Variants in CSAD observed in about 807,000 individuals in gnomAD.
CSAD encodes the protein cysteine sulfinic acid decarboxylase.
In CSAD, 47 loss-of-function variants were observed where a neutral mutation model predicts 61.5. The ratio of observed to expected loss-of-function variants is 0.76; its 90% CI spans 0.60 to 0.97. CSAD has a LOEUF of 0.97. Ranked by LOEUF, CSAD falls within the 50% of genes least tolerant of loss-of-function variation. CSAD has a pLI of 0.00. For synonymous variants in CSAD, 245 were observed against 252.7 expected (o/e 0.97, Z 0.29); for missense variants, 611 against 643.6 (o/e 0.95, Z 0.55).
chr12:53,180,178 G>C, intron 1 of CSAD: 1 of 985,442 alleles, frequency 1.0e-6, no homozygotes, highest in African/African-American at 1.7e-5. Flanking sequence ...CACAAAGCAA[G>C]AGTGTGCGAA....
chr12:53,171,000 C>A (rs778039110), intron 8 of CSAD: 27 of 483,306 alleles, frequency 5.6e-5, no homozygotes, highest in Non-Finnish European at 8.6e-5. Context: ...GGATTACAGG[C>A]GTGAGTCACC....
In CSAD at chr12:53,172,329, G is replaced by T. The variant is rs754012721; in HGVS notation, c.344+17C>A. 1 of 1,608,352 alleles carries T rather than the reference G, an allele frequency of 6.2e-7. No homozygotes were observed. Among genetic ancestry groups the T allele is most frequent in the Admixed American group, 1.7e-5 (1 of 60,010 alleles). On this transcript the variant is annotated intron_variant, in intron 6 of 16. Coordinates refer to ENST00000444623, the MANE Select transcript of CSAD (RefSeq NM_001244705.2). ...TAAATCCTTTGTGGGATGGTAGAGG[G>T]GCCTTGGGATGCTCACTGGCTGGTG...
rs1393819137 is a variant in CSAD at position 53,157,766 on chromosome 12, T to G, written c.*745A>C. 1.3e-5 allele frequency: 2 copies of G among 152,158 alleles called. No homozygotes were observed. Among genetic ancestry groups the G allele is most frequent in the African/African-American group, 4.8e-5 (2 of 41,396 alleles). The allele number at this position is 152,158 out of a possible 1,614,324, so 9.4% of individuals were successfully genotyped here. On this transcript the variant is annotated 3_prime_UTR_variant, in exon 17 of 17. Coordinates refer to ENST00000444623, the MANE Select transcript of CSAD (RefSeq NM_001244705.2). ...TCAAAAGATATAAAGAAGTCTATGTTTTTTTTGTTTGTTTGTTTTTTTAAA... is the reference window on the plus strand; with the variant it reads ...TCAAAAGATATAAAGAAGTCTATGTGTTTTTTGTTTGTTTGTTTTTTTAAA...
chr12:53,170,246 C>G, intron 9 of CSAD, 120 bp from the exon 10 acceptor site: 1 of 1,062,880 alleles, frequency 9.4e-7, no homozygotes, highest in Non-Finnish European at 1.4e-6. Context: ...TGAAACAGAT[C>G]TCAGGGCAGA....
At chr12:53,158,972 C>T (rs1938908913) in intron 16 of CSAD, among the ~76,000 whole-genome samples, 1 of 152,198 alleles carries the variant, frequency 6.6e-6, no homozygotes, top group Non-Finnish European at 1.5e-5. Context: ...TGATTCCTAA[C>T]ACTGCTTTAG....
chr12:53,168,231 G>A (rs542779816), intron 10 of CSAD, among the ~76,000 whole-genome samples: 28 of 152,282 alleles, frequency 1.8e-4, no homozygotes, highest in African/African-American at 6.0e-4. Context: ...GAATTACAGA[G>A]GGATGGCTAA....
chr12:53,159,594 G>T (rs73099942), intron 16 of CSAD, 29 bp downstream of exon 16: 2 of 1,585,334 alleles, frequency 1.3e-6, no homozygotes, highest in Middle Eastern at 1.7e-4. Flanking sequence ...GCTCCCTAAC[G>T]GGTAAAGAGA....
chr12:53,160,869 G>C (rs1204554655), intron 12 of CSAD, 25 bp from the exon 13 acceptor site: 1 of 1,543,970 alleles, frequency 6.5e-7, no homozygotes, highest in Non-Finnish European at 8.8e-7. Context: ...GCAAAGGCAG[G>C]TCAGTGGCTC....
chr12:53,173,706 CCT>C lies in CSAD; in HGVS notation c.-7+20_-7+21del. On this transcript the variant is annotated intron_variant, in intron 3 of 16. Transcript: ENST00000444623. ...AAGTGGACTCTAGTGGCCATTTCCA[CCT>C]AAGGCAGAGACAAGCTTACCTCTCT... 6.3e-7 allele frequency: 1 copy of C among 1,579,148 alleles called. No homozygotes were observed.
At chr12:53,181,029 C>T (rs1032114143), upstream of CSAD, 16 of 871,596 alleles carry the variant, frequency 1.8e-5, no homozygotes, top group African/African-American at 7.5e-5. Context: ...GCGCGTCCCG[C>T]CGCGTCCCCG....
At chr12:53,163,978 A>G (rs1215848709) in intron 10 of CSAD, among the ~76,000 whole-genome samples, 1 of 152,240 alleles carries the variant, frequency 6.6e-6, no homozygotes, top group African/African-American at 2.4e-5. Flanking sequence ...GATTTACAAC[A>G]AGGATGCCAA....
rs1244315071 is a variant in CSAD, at chr12:53,158,558, T to C, written c.1435A>G (p.Met479Val). The C allele has an allele frequency of 2.5e-6, 4 of 1,613,264 alleles. No individual in the cohort carries two copies. The highest frequency in any genetic ancestry group is 1.7e-6 in the Non-Finnish European group (2 of 1,180,026). Residue 479 changes from methionine to valine, a missense_variant, in exon 17 of 17, where the codon ATG becomes GTG. By Grantham distance (21) the Met-to-Val change is conservative (BLOSUM62 1). Transcript: ENST00000444623. ...TCCAGCTCGTTGAGGAGGAAGTCCATATCAGCACAGGTCAGTGCAGAGTTG... is the reference window on the plus strand; with the variant it reads ...TCCAGCTCGTTGAGGAGGAAGTCCACATCAGCACAGGTCAGTGCAGAGTTG... ...VANSALTCADMDFLLNELERL... is the reference protein window; with the variant it reads ...VANSALTCADVDFLLNELERL...
At chr12:53,176,491 G>A (rs1592362432) in intron 2 of CSAD, among the ~76,000 whole-genome samples, 1 of 151,750 alleles carries the variant, frequency 6.6e-6, no homozygotes, top group Non-Finnish European at 1.5e-5. Context: ...AGGCCAGGGC[G>A]GGTGGATCAC....
At chr12:53,166,670 C>T (rs1340704899) in intron 10 of CSAD, among the ~76,000 whole-genome samples, 4 of 151,994 alleles carry the variant, frequency 2.6e-5, no homozygotes, top group African/African-American at 9.7e-5. Context: ...TGGCGAGGGG[C>T]CTGTAATCCC....
At chr12:53,175,565 C>CT (rs1565677416) in intron 2 of CSAD, among the ~76,000 whole-genome samples, 1 of 152,178 alleles carries the variant, frequency 6.6e-6, no homozygotes. Flanking sequence ...GTGGAGAGAA[C>CT]TAAGTCTTTT....
chr12:53,160,150 C>G lies in CSAD; in HGVS notation c.1136G>C (p.Arg379Pro). ...WKAQGDQGLE[R>P]RIDQAFVLAR... is the part of the protein sequence containing the mutation. Reference sequence around the variant, plus strand: ...AAGGACAAAGGCCTGGTCGATGCGCCGCTCCAGCCCTTGATCGCCCTGTGC... The same window carrying G: ...AAGGACAAAGGCCTGGTCGATGCGCGGCTCCAGCCCTTGATCGCCCTGTGC... Residue 379 changes from arginine (R) to proline (P), a missense_variant, in exon 14 of 17, where the codon CGG (arginine) becomes CCG (proline). By Grantham distance (103) the Arg-to-Pro change is moderately radical. Coordinates refer to ENST00000444623, the MANE Select transcript of CSAD (RefSeq NM_001244705.2). 1 of 1,613,722 alleles carries G rather than the reference C, an allele frequency of 6.2e-7. No individual in the cohort carries two copies. Among genetic ancestry groups the G allele is most frequent in the Non-Finnish European group, 8.5e-7 (1 of 1,180,040 alleles).
chr12:53,162,943 C>A (rs1315153982), intron 10 of CSAD, among the ~76,000 whole-genome samples: 2 of 152,006 alleles, frequency 1.3e-5, no homozygotes, highest in African/African-American at 4.8e-5. Flanking sequence ...TGCCTGTAAT[C>A]CCAGCTACTC....
chr12:53,169,933 C>A (rs1171087569), intron 10 of CSAD, 139 bp downstream of exon 10: 9 of 731,930 alleles, frequency 1.2e-5, no homozygotes, highest in Non-Finnish European at 2.1e-5. Context: ...CACCCCCAGG[C>A]TCTCCATGGT....
intron 16 of CSAD, 97 bp from the exon 17 acceptor site, chr12:53,158,781 T>C: frequency 8.4e-7 from 1 of 1,197,274 alleles, no homozygotes; most frequent in Non-Finnish European, 1.2e-6. Flanking sequence ...TGCTTTTCCT[T>C]CCCACCCAGC....
Sources: allele counts gnomAD v4.1 joint callset (sites outside exome capture counted in the v4.1 genomes callset), GRCh38; gene constraint gnomAD v4.1.1; transcripts MANE v1.5; gene names NCBI Gene and HGNC (gene_info 2026-07-23, HGNC 2026-07-21).